The following ADGRB3 variants were observed in gnomAD, a reference collection of about 807,000 sequenced individuals.
The protein encoded by ADGRB3 is brain-specific angiogenesis inhibitor 3.
In ADGRB3, 37 loss-of-function variants were observed where a neutral mutation model predicts 193.4. That is an observed-to-expected ratio of 0.19 (90% CI 0.15 to 0.25). ADGRB3 has a LOEUF of 0.25. Among genes scored for constraint, ADGRB3 ranks in the 10% least tolerant of loss-of-function variants. ADGRB3 has a pLI of 1.00. For synonymous variants in ADGRB3, 690 were observed against 644.2 expected (o/e 1.07, Z -1.08); for missense variants, 1,637 against 1,852.9 (o/e 0.88, Z 2.14).
chr6:68,947,295 T>C (rs950599321), intron 6 of ADGRB3, among the ~76,000 whole-genome samples: 1 of 152,126 alleles, frequency 6.6e-6, no homozygotes, highest in Non-Finnish European at 1.5e-5. Flanking sequence ...ACCAAAGTTC[T>C]GGTGGTCCAA....
chr6:68,887,123 C>T (rs565146656), intron 3 of ADGRB3, among the ~76,000 whole-genome samples: 6 of 151,620 alleles, frequency 4.0e-5, no homozygotes, highest in African/African-American at 1.2e-4. Flanking sequence ...TTCTTTATCA[C>T]CTTAGAGTAA....
chr6:69,037,328 T>C (rs564423221), intron 13 of ADGRB3, among the ~76,000 whole-genome samples: 1 of 152,332 alleles, frequency 6.6e-6, no homozygotes, highest in East Asian at 1.9e-4. Context: ...ATACCATATT[T>C]CCTTGCATGA....
chr6:69,326,201 C>T (rs77886794), intron 21 of ADGRB3, among the ~76,000 whole-genome samples: 249 of 152,256 alleles, frequency 1.6e-3, no homozygotes, highest in African/African-American at 5.8e-3. Context: ...CAAGATCACA[C>T]CACGACACTC....
intron 3 of ADGRB3, among the ~76,000 whole-genome samples, chr6:68,836,729 C>G (rs1317590323): frequency 2.0e-5 from 3 of 152,120 alleles, no homozygotes. Flanking sequence ...TGGCTCAAAC[C>G]TGTAACCCCC....
intron 6 of ADGRB3, among the ~76,000 whole-genome samples, chr6:68,951,136 C>T (rs1350246050): frequency 1.3e-5 from 2 of 151,958 alleles, no homozygotes; most frequent in East Asian, 1.9e-4. Flanking sequence ...AAAAATGAGA[C>T]ATTGTTTAAT....
chr6:68,757,161 G>A (rs1291962657), intron 3 of ADGRB3, among the ~76,000 whole-genome samples: 1 of 151,996 alleles, frequency 6.6e-6, no homozygotes, highest in East Asian at 1.9e-4. Flanking sequence ...TCTATCAGGA[G>A]CACTCAACTC....
At chr6:69,057,415 G>T (rs1161719630) in intron 15 of ADGRB3, among the ~76,000 whole-genome samples, 2 of 151,734 alleles carry the variant, frequency 1.3e-5, no homozygotes, top group African/African-American at 2.4e-5. Flanking sequence ...TTACCTAATT[G>T]CTGTTTGTAG....
chr6:68,860,609 T>C (rs567495914), intron 3 of ADGRB3, among the ~76,000 whole-genome samples: 184 of 152,330 alleles, frequency 1.2e-3, no homozygotes, highest in African/African-American at 3.2e-3. Flanking sequence ...GTGTATACCA[T>C]ATATATATGC....
intron 3 of ADGRB3, among the ~76,000 whole-genome samples, chr6:68,887,660 A>G (rs1430407991): frequency 1.3e-5 from 2 of 152,140 alleles, no homozygotes; most frequent in Non-Finnish European, 2.9e-5. Context: ...CTCTTTGTTT[A>G]ATATCTGTTT....
At chr6:68,961,011 T>G (rs1768216866) in intron 8 of ADGRB3, among the ~76,000 whole-genome samples, 1 of 152,180 alleles carries the variant, frequency 6.6e-6, no homozygotes, top group South Asian at 2.1e-4. Context: ...AAATATCACC[T>G]CAACAAAATT....
At chr6:69,075,934 C>T in intron 16 of ADGRB3, 61 bp from the exon 17 acceptor site, 1 of 1,226,672 alleles carries the variant, frequency 8.2e-7, no homozygotes, top group Non-Finnish European at 1.2e-6. Context: ...TTCACATAAT[C>T]CCTCAATCTT....
At chr6:68,971,554 G>A (rs535080006) in intron 8 of ADGRB3, among the ~76,000 whole-genome samples, 18 of 152,344 alleles carry the variant, frequency 1.2e-4, no homozygotes, top group African/African-American at 3.8e-4. Context: ...AGGAGGAAGA[G>A]CGTAGGTTTC....
intron 24 of ADGRB3, among the ~76,000 whole-genome samples, chr6:69,335,092 T>A (rs1035806852): frequency 1.3e-5 from 2 of 151,944 alleles, no homozygotes; most frequent in African/African-American, 4.8e-5. Context: ...TAAAAAGAGA[T>A]GAGATCATTG....
At chr6:68,989,674 A>G (rs572356874) in intron 10 of ADGRB3, among the ~76,000 whole-genome samples, 18 of 152,286 alleles carry the variant, frequency 1.2e-4, no homozygotes, top group Admixed American at 2.0e-4. Context: ...ATTTTTTCCA[A>G]TGGTTCTTTG....
intron 3 of ADGRB3, among the ~76,000 whole-genome samples, chr6:68,645,253 T>C (rs1768181716): frequency 6.6e-6 from 1 of 152,156 alleles, no homozygotes; most frequent in Non-Finnish European, 1.5e-5. Flanking sequence ...TTATAATGGC[T>C]ACTACTCTAT....
intron 16 of ADGRB3, among the ~76,000 whole-genome samples, chr6:69,063,372 A>C (rs1771806061): frequency 6.6e-6 from 1 of 152,068 alleles, no homozygotes; most frequent in East Asian, 1.9e-4. Flanking sequence ...GCTTTGTGCT[A>C]GGCACTGGAG....
At chr6:69,147,626 G>GGT (rs1774542306) in intron 17 of ADGRB3, among the ~76,000 whole-genome samples, 1 of 152,140 alleles carries the variant, frequency 6.6e-6, no homozygotes, top group African/African-American at 2.4e-5. Context: ...GCAGCTGTTG[G>GGT]TTGAAGTGTT....
chr6:69,096,215 T>G (rs987570790), intron 17 of ADGRB3, among the ~76,000 whole-genome samples: 1 of 152,148 alleles, frequency 6.6e-6, no homozygotes, highest in African/African-American at 2.4e-5. Flanking sequence ...ACTGTTATAT[T>G]CAAAGGTTTA....
At chr6:68,921,057 A>G (rs1767030141) in intron 3 of ADGRB3, among the ~76,000 whole-genome samples, 1 of 152,194 alleles carries the variant, frequency 6.6e-6, no homozygotes, top group African/African-American at 2.4e-5. Flanking sequence ...AAAAGTAGCA[A>G]TGGCAATTCC....
Sources: gnomAD v4.1 joint callset for allele counts (sites outside exome capture counted in the v4.1 genomes callset) on GRCh38, gnomAD v4.1.1 for gene constraint, MANE v1.5 for transcripts, NCBI Gene and HGNC (gene_info 2026-07-23, HGNC 2026-07-21) for gene names.